Variants in ZBTB49 observed in about 807,000 individuals in gnomAD.
ZBTB49 encodes zinc finger and BTB domain-containing protein 49.
ZBTB49 carries 43 observed loss-of-function variants against 57.5 expected under a neutral mutation model. That is an observed-to-expected ratio of 0.75 (90% confidence interval 0.59 to 0.97). The LOEUF is 0.97. Among genes scored for constraint, ZBTB49 ranks in the 50% least tolerant of loss-of-function variants. ZBTB49 has a pLI of 0.00. For synonymous variants in ZBTB49, 369 were observed against 362.1 expected (o/e 1.02, Z -0.22); for missense variants, 938 against 947.7 (o/e 0.99, Z 0.13).
chr4:4,305,097 A>G (rs897290544), intron 3 of ZBTB49, among the ~76,000 whole-genome samples: 3 of 152,030 alleles, frequency 2.0e-5, no homozygotes, highest in Non-Finnish European at 4.4e-5. Flanking sequence ...GTCACCCCCA[A>G]TAATTTCAGA....
At chr4:4,315,413 G>GA (rs914835094) in intron 5 of ZBTB49, among the ~76,000 whole-genome samples, 1 of 152,046 alleles carries the variant, frequency 6.6e-6, no homozygotes, top group Non-Finnish European at 1.5e-5. Flanking sequence ...AAATCAGGTA[G>GA]AAAAAAATGC....
intron 5 of ZBTB49, among the ~76,000 whole-genome samples, chr4:4,314,692 G>T (rs1036588846): frequency 5.3e-5 from 8 of 152,232 alleles, no homozygotes; most frequent in Non-Finnish European, 8.8e-5. Context: ...TTTGAAACCA[G>T]ACCTATATGC....
Position 4,321,496 on chromosome 4 carries a change from C to A in ZBTB49, c.*180C>A. ...TGAGCTGGGGGTGTGAGGGGGAGGG[C>A]CTGCTGGCTCACCGTGAGGCAGCCG... On this transcript the variant is annotated 3_prime_UTR_variant, in exon 8 of 8. Transcript: ENST00000337872. 1 of 713,440 alleles carries A rather than the reference C, an allele frequency of 1.4e-6. No homozygotes were observed. Among genetic ancestry groups the A allele is most frequent in the Non-Finnish European group, 2.3e-6 (1 of 444,084 alleles). The allele number at this position is 713,440 out of a possible 1,614,324, so 44.2% of individuals were successfully genotyped here.
chr4:4,292,780 C>A (rs1463236213), intron 1 of ZBTB49, among the ~76,000 whole-genome samples: 2 of 152,164 alleles, frequency 1.3e-5, no homozygotes, highest in Non-Finnish European at 2.9e-5. Context: ...ATTAATGGCA[C>A]TGCTGAAAAA....
intron 1 of ZBTB49, among the ~76,000 whole-genome samples, chr4:4,292,316 C>T (rs899945423): frequency 2.0e-5 from 3 of 152,094 alleles, no homozygotes; most frequent in Admixed American, 6.6e-5. Flanking sequence ...TACAGTGCAA[C>T]GATACTTGTT....
Position 4,302,450 on chromosome 4 carries a change from T to G in ZBTB49, c.614T>G (p.Leu205Arg). The change falls in exon 3 of 8, where the codon CTG becomes CGG. Residue 205 changes from leucine (L) to arginine (R), a missense_variant. Physicochemically the swap from Leu to Arg is moderately radical, Grantham distance 102. Transcript: ENST00000337872. ...ACTTCAGATGGCAGCTGCACAGAAC[T>G]GCCTTTCAAACAGCCAAATTACTAT... The part of the protein sequence containing the change: ...PDTSDGSCTE[L>R]PFKQPNYYYK... The G allele has an allele frequency of 1.2e-6, 2 of 1,614,214 alleles. No individual in the cohort carries two copies. Among genetic ancestry groups the G allele is most frequent in the Non-Finnish European group, 1.7e-6 (2 of 1,180,038 alleles).
intron 1 of ZBTB49, among the ~76,000 whole-genome samples, chr4:4,293,432 C>T (rs1720037979): frequency 6.6e-6 from 1 of 152,210 alleles, no homozygotes; most frequent in African/African-American, 2.4e-5. Flanking sequence ...TCAAAGGAAA[C>T]AGTGGTTATG....
At position 4,315,959 on chromosome 4, in the gene ZBTB49, G is replaced by C; in HGVS notation, c.1610G>C (p.Cys537Ser). Residue 537 changes from cysteine to serine, a missense_variant, in exon 7 of 8, where the codon TGC becomes TCC. By Grantham distance (112) the Cys-to-Ser change is moderately radical (BLOSUM62 -1). This residue lies in a region of ZBTB49 where 835 missense variants were observed against 819.1 expected (regional missense o/e 1.02). Coordinates refer to ENST00000337872, the MANE Select transcript of ZBTB49 (RefSeq NM_145291.4). ...CACACGGGGGAGCGGCCTTACAGCT[G>C]CTCTGCCTGCGGTGAGTTTGGGTTT... ...IRHTGERPYS[C>S]SACGKCFGGS... 6.2e-7 allele frequency: 1 copy of C among 1,613,936 alleles called. No individual in the cohort carries two copies. The highest frequency in any genetic ancestry group is 8.5e-7 in the Non-Finnish European group (1 of 1,179,986).
intron 1 of ZBTB49, among the ~76,000 whole-genome samples, chr4:4,293,536 T>C (rs77789487): frequency 0.069 from 10,470 of 152,312 alleles, 924 homozygotes; most frequent in East Asian, 0.32. Context: ...CTTCTCTGTA[T>C]ATGGTCAGGT....
chr4:4,293,013 TAGATTTGTAGCTTTTAGAACTAGGA>T (rs1202776255), intron 1 of ZBTB49, among the ~76,000 whole-genome samples: 5 of 151,708 alleles, frequency 3.3e-5, no homozygotes, highest in Non-Finnish European at 5.9e-5. Flanking sequence ...ATTCCTTGTA[TAGATTTGTAGCTTTTAGAACTAGGA>T]AAAAACCTCT....
intron 1 of ZBTB49, among the ~76,000 whole-genome samples, chr4:4,290,833 T>C (rs2108860236): frequency 6.6e-6 from 1 of 152,348 alleles, no homozygotes; most frequent in East Asian, 1.9e-4. Flanking sequence ...GCCCCGCATC[T>C]GTAAAGCGAA....
intron 1 of ZBTB49, among the ~76,000 whole-genome samples, chr4:4,295,581 G>A (rs955750150): frequency 6.6e-6 from 1 of 152,232 alleles, no homozygotes; most frequent in Admixed American, 6.5e-5. Context: ...CAGCTTGGCA[G>A]GGGTGGGTAA....
chr4:4,292,094 G>T (rs911992633), intron 1 of ZBTB49, among the ~76,000 whole-genome samples: 4 of 152,014 alleles, frequency 2.6e-5, no homozygotes, highest in Admixed American at 2.6e-4. Flanking sequence ...CCAACATGGT[G>T]AGACCCCCAC....
intron 2 of ZBTB49, among the ~76,000 whole-genome samples, chr4:4,300,908 A>G (rs908181873): frequency 6.6e-6 from 1 of 152,070 alleles, no homozygotes; most frequent in Non-Finnish European, 1.5e-5. Flanking sequence ...CAAAATGCAT[A>G]CCGTTTTACT....
intron 3 of ZBTB49, among the ~76,000 whole-genome samples, chr4:4,303,944 G>A (rs543589260): frequency 6.6e-6 from 1 of 152,080 alleles, no homozygotes; most frequent in South Asian, 2.1e-4. Context: ...CACAGCAGCT[G>A]CTTTTACGGT....
Position 4,313,077 on chromosome 4 carries a change from G to A in ZBTB49, c.1339G>A (p.Gly447Ser). The stretch of plus-strand genomic sequence containing the variant: ...GCAGACTCACTTACGACGGCATTCT[G>A]GTGAAAAACCATACATCTGCGAGAT... ...NLQTHLRRHS[G>S]EKPYICEICG... is the part of the protein sequence containing the mutation. Residue 447 changes from glycine to serine, a missense_variant, in exon 5 of 8, where the codon GGT (glycine) becomes AGT (serine). This residue lies in a region of ZBTB49 where 835 missense variants were observed against 819.1 expected (regional missense o/e 1.02). Coordinates refer to ENST00000337872, the MANE Select transcript of ZBTB49 (RefSeq NM_145291.4). The A allele has an allele frequency of 6.2e-7, 1 of 1,614,168 alleles. No individual in the cohort carries two copies. The highest frequency in any genetic ancestry group is 1.1e-5 in the South Asian group (1 of 91,076).
At chr4:4,314,679 G>A (rs1363680414) in intron 5 of ZBTB49, among the ~76,000 whole-genome samples, 2 of 152,228 alleles carry the variant, frequency 1.3e-5, no homozygotes, top group Non-Finnish European at 2.9e-5. Flanking sequence ...GCCAAGGCGT[G>A]TGTTTGAAAC....
rs890595931 is a variant in ZBTB49 at position 4,303,013 on chromosome 4, A to G, written c.1177A>G (p.Arg393Gly). 1.7e-5 allele frequency: 28 copies of G among 1,614,192 alleles called. No homozygotes were observed. The highest frequency in any genetic ancestry group is 2.3e-5 in the Non-Finnish European group (27 of 1,180,038). The change falls in exon 3 of 8, where the codon AGA (arginine) becomes GGA (glycine). Residue 393 changes from arginine to glycine, a missense_variant. By Grantham distance (125) the Arg-to-Gly change is moderately radical. Around this residue, in one of 3 missense-constraint regions of ZBTB49, gnomAD observed 835 missense variants for 819.1 expected, o/e 1.02. Transcript: ENST00000337872. ...CCAGTCCCAGACACTTCAGTCCCAG[A>G]GACAATACGCGTGTGAATTATGCGG... is the stretch of plus-strand genomic sequence containing the variant. ...EDQSQTLQSQ[R>G]QYACELCGKP...
intron 1 of ZBTB49, among the ~76,000 whole-genome samples, chr4:4,297,808 G>A (rs977504070): frequency 7.9e-5 from 12 of 151,334 alleles, no homozygotes; most frequent in African/African-American, 2.9e-4. Flanking sequence ...TGGGAAAGTA[G>A]GTGACAGCTC....
Sources: allele counts gnomAD v4.1 joint callset (sites outside exome capture counted in the v4.1 genomes callset), GRCh38; gene constraint gnomAD v4.1.1; regional missense constraint gnomAD v4.1.1; transcripts MANE v1.5; gene names NCBI Gene and HGNC (gene_info 2026-07-23, HGNC 2026-07-21).